Variants in RBPJ observed in about 807,000 individuals in gnomAD.
The protein encoded by RBPJ is recombining binding protein suppressor of hairless.
Under a neutral mutation model 67.8 loss-of-function variants are expected in RBPJ, and 9 were observed. The ratio of observed to expected loss-of-function variants is 0.13; its 90% CI spans 0.08 to 0.23. RBPJ has a LOEUF of 0.23. Ranked by LOEUF, RBPJ falls within the 10% of genes least tolerant of loss-of-function variation. RBPJ has a pLI of 1.00. For synonymous variants in RBPJ, 198 were observed against 203.3 expected (o/e 0.97, Z 0.22); for missense variants, 305 against 595.6 (o/e 0.51, Z 5.08).
At chr4:26,111,240 T>C in the RBPJ span, among the ~76,000 whole-genome samples, 1 of 152,102 alleles carries the variant, frequency 6.6e-6, no homozygotes, top group Non-Finnish European at 1.5e-5. Context: ...AGTCTCAAAC[T>C]GGTCCCTGTC....
intron 1 of RBPJ, among the ~76,000 whole-genome samples, chr4:26,327,145 G>A (rs1340395389): frequency 6.6e-6 from 1 of 152,114 alleles, no homozygotes; most frequent in Non-Finnish European, 1.5e-5. Flanking sequence ...ACATCATGGT[G>A]TTGCTTATGC....
rs199547269 is a variant in RBPJ at position 26,314,285 on chromosome 4, AT to A, written c.-166-48152del. Reference sequence around the variant, plus strand: ...ACATCTCTTGATGTTTGTTACCAGTATTTTTTTTTCCACCATCAGTGATGCT... The same window carrying A: ...ACATCTCTTGATGTTTGTTACCAGTATTTTTTTTCCACCATCAGTGATGCT... On this transcript the variant is annotated intron_variant, in intron 1 of 4. Transcript: ENST00000512351. Among the ~76,000 whole-genome samples, 8 of 151,366 alleles carry A rather than the reference AT, an allele frequency of 5.3e-5. No individual in the cohort carries two copies. The East Asian group carries it at 5.8e-4, about 11-fold the overall frequency.
chr4:26,171,801 C>A (rs561008300), intron 1 of RBPJ, among the ~76,000 whole-genome samples: 128 of 152,258 alleles, frequency 8.4e-4, no homozygotes, highest in Non-Finnish European at 1.4e-3. Flanking sequence ...CTGAGGCCCA[C>A]AGAAGTGCAG....
intron 1 of RBPJ, among the ~76,000 whole-genome samples, chr4:26,203,019 A>AAAAGT (rs146872083): frequency 1.9e-4 from 28 of 150,528 alleles, no homozygotes; most frequent in South Asian, 4.2e-4. Flanking sequence ...AAAAGAAAAG[A>AAAAGT]AAAGAGAAGA....
upstream of RBPJ, chr4:26,163,383 C>CAAAA (rs141738191): frequency 8.7e-6 from 1 of 114,650 alleles, no homozygotes; most frequent in African/African-American, 2.8e-5. Context: ...CTCTACCCCA[C>CAAAA]ACACAAAAAA....
At chr4:26,352,247 A>G (rs1405704938) in intron 1 of RBPJ, among the ~76,000 whole-genome samples, 1 of 152,166 alleles carries the variant, frequency 6.6e-6, no homozygotes, top group Non-Finnish European at 1.5e-5. Context: ...CAGAAGATTC[A>G]GTGTCTGGTG....
At chr4:26,237,473 TAAG>T (rs2109213529) in intron 1 of RBPJ, among the ~76,000 whole-genome samples, 1 of 152,296 alleles carries the variant, frequency 6.6e-6, no homozygotes, top group African/African-American at 2.4e-5. Flanking sequence ...GATTAAATAA[TAAG>T]AAAAATTAGA....
upstream of RBPJ, among the ~76,000 whole-genome samples, chr4:26,159,012 T>A (rs1716030473): frequency 6.7e-6 from 1 of 148,458 alleles, no homozygotes. Context: ...ATGCAGATAC[T>A]ATGAGGAATA....
At chr4:26,419,353 C>T (rs936974557) in intron 4 of RBPJ, among the ~76,000 whole-genome samples, 1 of 152,110 alleles carries the variant, frequency 6.6e-6, no homozygotes, top group Non-Finnish European at 1.5e-5. Flanking sequence ...AAGCTTTTAC[C>T]AAACTTTTGA....
intron 1 of RBPJ, among the ~76,000 whole-genome samples, chr4:26,233,554 C>G (rs559652267): frequency 1.3e-5 from 2 of 152,206 alleles, no homozygotes; most frequent in Admixed American, 6.5e-5. Context: ...ACTACCTTCT[C>G]ATTTTAGTTT....
intron 1 of RBPJ, among the ~76,000 whole-genome samples, chr4:26,373,120 A>G (rs148248514): frequency 3.2e-4 from 49 of 152,370 alleles, no homozygotes; most frequent in African/African-American, 1.2e-3. Flanking sequence ...GCTTTGTATT[A>G]ACACTCAAGC....
chr4:26,239,163 G>A (rs1174983016), intron 1 of RBPJ, among the ~76,000 whole-genome samples: 1 of 152,106 alleles, frequency 6.6e-6, no homozygotes, highest in Non-Finnish European at 1.5e-5. Flanking sequence ...CAGCCATATA[G>A]AAATTTATTT....
chr4:26,141,925 A>C, the RBPJ span, among the ~76,000 whole-genome samples: 3,330 of 152,336 alleles, frequency 0.022, 125 homozygotes, highest in African/African-American at 0.076. Flanking sequence ...AAATAAGGCA[A>C]AAAGCTGTGC....
chr4:26,423,682 T>G (rs1391132909), intron 5 of RBPJ, among the ~76,000 whole-genome samples: 1 of 152,246 alleles, frequency 6.6e-6, no homozygotes, highest in Non-Finnish European at 1.5e-5. Flanking sequence ...GAATATTAGT[T>G]TCTTGATGGC....
intron 2 of RBPJ, among the ~76,000 whole-genome samples, chr4:26,397,807 G>GT (rs1732294495): frequency 6.6e-6 from 1 of 152,154 alleles, no homozygotes; most frequent in African/African-American, 2.4e-5. Context: ...CTAATTTTTT[G>GT]TATTTTTAGT....
At chr4:26,287,252 A>C (rs924465845) in intron 1 of RBPJ, among the ~76,000 whole-genome samples, 1 of 151,988 alleles carries the variant, frequency 6.6e-6, no homozygotes, top group Non-Finnish European at 1.5e-5. Flanking sequence ...GAAGAAAGAG[A>C]GAAAAGATTG....
intron 1 of RBPJ, among the ~76,000 whole-genome samples, chr4:26,191,404 T>C (rs1346549309): frequency 6.6e-6 from 1 of 151,494 alleles, no homozygotes; most frequent in Non-Finnish European, 1.5e-5. Context: ...CCTTTTTCAA[T>C]CTATTATCTA....
chr4:26,189,025 G>A (rs1047140855), intron 1 of RBPJ, among the ~76,000 whole-genome samples: 2 of 152,164 alleles, frequency 1.3e-5, no homozygotes, highest in Non-Finnish European at 2.9e-5. Flanking sequence ...TAAGCTGTGT[G>A]TGTGACCTTG....
intron 1 of RBPJ, chr4:26,343,253 A>G (rs1026287223): frequency 6.6e-6 from 1 of 152,188 alleles, no homozygotes; most frequent in Admixed American, 6.5e-5. Flanking sequence ...ACTTTAAGGA[A>G]TTTGGAATAT....
Sources: allele counts gnomAD v4.1 joint callset (sites outside exome capture counted in the v4.1 genomes callset), GRCh38; gene constraint gnomAD v4.1.1; transcripts MANE v1.5; gene names NCBI Gene and HGNC (gene_info 2026-07-23, HGNC 2026-07-21).